Variants in RILPL1 observed in about 807,000 individuals in gnomAD.
RILPL1 encodes RILP-like protein 1.
Under a neutral mutation model 50.3 loss-of-function variants are expected in RILPL1, and 33 were observed. The ratio of observed to expected loss-of-function variants is 0.66; its 90% CI spans 0.50 to 0.88. The LOEUF is 0.88. Ranked by LOEUF, RILPL1 falls within the 40% of genes least tolerant of loss-of-function variation. The probability of loss-of-function intolerance (pLI) is 0.00; values close to 1 mark genes in which losing one functional copy is unlikely to be tolerated. For missense variants in RILPL1, 418 were observed against 542.5 expected (o/e 0.77, Z 2.28); for synonymous variants, 205 against 228.6 (o/e 0.90, Z 0.93).
At chr12:123,495,633 C>T (rs1299035216) in intron 4 of RILPL1, among the ~76,000 whole-genome samples, 1 of 150,132 alleles carries the variant, frequency 6.7e-6, no homozygotes, top group African/African-American at 2.5e-5. Flanking sequence ...CTTGGCCTCC[C>T]AAAGTGCTGG....
chr12:123,510,752 G>C (rs1403737298), intron 2 of RILPL1, among the ~76,000 whole-genome samples: 1 of 107,328 alleles, frequency 9.3e-6, no homozygotes, highest in East Asian at 3.4e-4. Flanking sequence ...TGTGAGGTCT[G>C]TGTGTGTGAA....
chr12:123,493,185 T>A (rs561060878), intron 4 of RILPL1, among the ~76,000 whole-genome samples: 4 of 152,236 alleles, frequency 2.6e-5, no homozygotes, highest in Non-Finnish European at 4.4e-5. Context: ...AAAAACCGCC[T>A]TAAGGCTGGA....
intron 2 of RILPL1, among the ~76,000 whole-genome samples, chr12:123,505,778 C>T (rs1308531081): frequency 1.3e-5 from 2 of 152,164 alleles, no homozygotes; most frequent in Non-Finnish European, 2.9e-5. Flanking sequence ...TGCACCACTA[C>T]AGCTGGCTCG....
chr12:123,496,994 C>T (rs1883071890), intron 4 of RILPL1, among the ~76,000 whole-genome samples: 2 of 152,232 alleles, frequency 1.3e-5, no homozygotes, highest in Non-Finnish European at 2.9e-5. Context: ...TACTTTCTGG[C>T]TCTATGGATT....
chr12:123,498,869 G>A lies in RILPL1; in HGVS notation c.580-104C>T. Reference sequence around the variant, plus strand: ...CCATAGGTGTGCCATTTACATTGCAGACATCTTTGTTTGAAAGTTGTTCGT... The same window carrying A: ...CCATAGGTGTGCCATTTACATTGCAAACATCTTTGTTTGAAAGTTGTTCGT... On this transcript the variant is annotated intron_variant, in intron 3 of 6. Coordinates refer to ENST00000376874, the MANE Select transcript of RILPL1 (RefSeq NM_178314.5). This position sits in a 1 kb window ranked among gnomAD's most constrained non-coding sequence, Gnocchi z 4.3. 1 of 1,042,774 alleles carries A rather than the reference G, an allele frequency of 9.6e-7. No individual in the cohort carries two copies. The highest frequency in any genetic ancestry group is 1.9e-5 in the Admixed American group (1 of 53,160). The allele number at this position is 1,042,774 out of a possible 1,614,324, so 64.6% of individuals were successfully genotyped here.
At chr12:123,507,888 C>G (rs917156739) in intron 2 of RILPL1, among the ~76,000 whole-genome samples, 2 of 144,194 alleles carry the variant, frequency 1.4e-5, no homozygotes, top group African/African-American at 5.2e-5. Flanking sequence ...TTGCAGTGAG[C>G]TGAGATCACG....
intron 4 of RILPL1, among the ~76,000 whole-genome samples, chr12:123,495,380 T>A (rs1882958935): frequency 6.6e-6 from 1 of 151,444 alleles, no homozygotes; most frequent in Non-Finnish European, 1.5e-5. Flanking sequence ...TAAACATTTT[T>A]TTTTTTTTTT....
rs1484945424 is a variant in RILPL1, at chr12:123,485,876, G to A, written c.802-71C>T. 3 of 1,463,470 alleles carry A rather than the reference G, an allele frequency of 2.0e-6. No individual in the cohort carries two copies. The highest frequency in any genetic ancestry group is 1.4e-5 in the South Asian group (1 of 71,754). The allele number at this position is 1,463,470 out of a possible 1,614,324, so 90.7% of individuals were successfully genotyped here. ...CCAGCACCCACTCTCTATCCTGAAG[G>A]AGCCCAAATTCTCCCCCTCCCGGGG... On this transcript the variant is annotated intron_variant, in intron 4 of 6. Coordinates refer to ENST00000376874, the MANE Select transcript of RILPL1 (RefSeq NM_178314.5). This position sits in a 1 kb window ranked among gnomAD's most constrained non-coding sequence, Gnocchi z 4.0.
intron 6 of RILPL1, chr12:123,475,771 A>G: frequency 2.0e-6 from 3 of 1,480,582 alleles, no homozygotes; most frequent in Non-Finnish European, 2.8e-6. Context: ...AAGTACAGAT[A>G]GACACAGAGA....
rs1237196935 is a variant in RILPL1, at chr12:123,533,390, C to G, written c.93G>C (p.Ala31=). The change falls in exon 1 of 7, where the codon GCG becomes GCC. Residue 31 remains alanine, a synonymous_variant. Transcript: ENST00000376874. This position sits in a 1 kb window ranked among gnomAD's most constrained non-coding sequence, Gnocchi z 6.2. ...ELTVMDVYDI[A]SLVGHEFERV... Reference sequence around the variant, plus strand: ...GCTCGAACTCGTGGCCCACAAGCGACGCGATGTCGTACACGTCCATGACGG... The same window carrying G: ...GCTCGAACTCGTGGCCCACAAGCGAGGCGATGTCGTACACGTCCATGACGG... 7.1e-6 allele frequency: 11 copies of G among 1,559,526 alleles called. No homozygotes were observed. Among genetic ancestry groups the G allele is most frequent in the Non-Finnish European group, 9.5e-6 (11 of 1,153,456 alleles).
intron 1 of RILPL1, among the ~76,000 whole-genome samples, chr12:123,525,970 T>C (rs1885237880): frequency 6.6e-6 from 1 of 152,074 alleles, no homozygotes; most frequent in African/African-American, 2.4e-5. Flanking sequence ...GGTAAAACCG[T>C]AAGCTAGCTC....
chr12:123,513,040 G>A (rs934978851), intron 2 of RILPL1, among the ~76,000 whole-genome samples: 1 of 145,110 alleles, frequency 6.9e-6, no homozygotes, highest in Non-Finnish European at 1.5e-5. Flanking sequence ...TCTGTGTGGT[G>A]TGTGAGGTTT....
intron 4 of RILPL1, among the ~76,000 whole-genome samples, chr12:123,496,679 T>G (rs1883054498): frequency 1.3e-5 from 2 of 152,196 alleles, no homozygotes; most frequent in South Asian, 4.1e-4. Context: ...AGCTCTTCCC[T>G]GAAACCCCAC....
intron 2 of RILPL1, among the ~76,000 whole-genome samples, chr12:123,501,385 C>T: frequency 6.6e-6 from 1 of 151,968 alleles, no homozygotes; most frequent in Non-Finnish European, 1.5e-5. Context: ...TTCGAGGCTG[C>T]AGTGGGCTCT....
At chr12:123,514,947 A>T (rs570367854) in intron 2 of RILPL1, among the ~76,000 whole-genome samples, 2,945 of 149,504 alleles carry the variant, frequency 0.02, 102 homozygotes, top group African/African-American at 0.07. Flanking sequence ...TTTTTTTTTT[A>T]AGAGACAGGG....
intron 4 of RILPL1, among the ~76,000 whole-genome samples, chr12:123,495,515 C>T (rs1282380106): frequency 8.6e-5 from 13 of 150,568 alleles, no homozygotes; most frequent in Non-Finnish European, 1.5e-4. Flanking sequence ...GCTGGGACTA[C>T]AGGTGTCCAC....
chr12:123,525,690 GAC>G (rs1885223125), intron 1 of RILPL1, among the ~76,000 whole-genome samples: 1 of 97,598 alleles, frequency 1.0e-5, no homozygotes, highest in Non-Finnish European at 1.9e-5. Context: ...GACAGAGTGA[GAC>G]ACTGTCTCAA....
At chr12:123,512,953 CGT>C (rs1206029315) in intron 2 of RILPL1, among the ~76,000 whole-genome samples, 2 of 36,950 alleles carry the variant, frequency 5.4e-5, no homozygotes, top group African/African-American at 1.1e-4. Context: ...GTGTGAGGTC[CGT>C]GTGTGTGTGG....
At chr12:123,472,982 G>T in intron 6 of RILPL1, 1 of 279,222 alleles carries the variant, frequency 3.6e-6, no homozygotes, top group Non-Finnish European at 6.9e-6. Context: ...CGTTACCAGT[G>T]GAAATCAAAA....
Sources: allele counts gnomAD v4.1 joint callset (sites outside exome capture counted in the v4.1 genomes callset), GRCh38; gene constraint gnomAD v4.1.1; non-coding constraint Gnocchi (gnomAD v3.1); transcripts MANE v1.5; gene names NCBI Gene and HGNC (gene_info 2026-07-23, HGNC 2026-07-21).